Variants in GORASP1 observed in about 807,000 individuals in gnomAD.
The protein encoded by GORASP1 is golgi reassembly stacking protein 1.
A neutral mutation model predicts 37.7 loss-of-function variants in GORASP1; 31 were observed. The ratio of observed to expected loss-of-function variants is 0.82; its 90% CI spans 0.62 to 1.11. The LOEUF is 1.11. Among genes scored for constraint, GORASP1 ranks in the 50% least tolerant of loss-of-function variants. The pLI, the probability that GORASP1 is intolerant of heterozygous loss-of-function variation, is 0.00. For missense variants in GORASP1, 476 were observed against 560.7 expected (o/e 0.85, Z 1.53); for synonymous variants, 204 against 224.8 (o/e 0.91, Z 0.83).
In GORASP1 at chr3:39,102,960, G is replaced by C; in HGVS notation, c.145-79C>G. 7.4e-7 allele frequency: 1 copy of C among 1,353,508 alleles called. No homozygotes were observed. Among genetic ancestry groups the C allele is most frequent in the Non-Finnish European group, 1.1e-6 (1 of 943,318 alleles). 83.8% of individuals were successfully genotyped at this position (1,353,508 alleles called of 1,614,324 possible). A position where few individuals can be genotyped will look rare whatever the true frequency, so the allele number is the denominator to read the frequency against. ...CTCAGACAAGTCTGGGCCTGAGATG[G>C]GGCAAGGGCCTTAGTGGGCAGCAGC... On this transcript the variant is annotated intron_variant, in intron 2 of 8. Coordinates refer to ENST00000319283, the MANE Select transcript of GORASP1 (RefSeq NM_031899.4). The surrounding 1 kb of genome is among the most constrained non-coding windows in gnomAD (Gnocchi z 5.0).
At chr3:39,106,965 C>G (rs1245081678) in intron 1 of GORASP1, 2 of 416,784 alleles carry the variant, frequency 4.8e-6, no homozygotes, top group South Asian at 3.3e-5. Flanking sequence ...CACCGGTCCT[C>G]TACCCTCGGA....
chr3:39,100,755 T>G lies in GORASP1; in HGVS notation c.558A>C (p.Gly186=). The part of the protein sequence containing the change: ...VTVTPNAAWG[G]EGSLGCGIGY... ...CCAACCCCACGAAGTACCTGCCCTC[T>G]CCACCCCAGGCTGCGTTGGGAGTTA... Residue 186 remains glycine, a synonymous_variant, in exon 5 of 9, where the codon GGA becomes GGC. Transcript: ENST00000319283. This position sits in a 1 kb window ranked among gnomAD's most constrained non-coding sequence, Gnocchi z 4.6. 1 of 1,613,746 alleles carries G rather than the reference T, an allele frequency of 6.2e-7. No homozygotes were observed. The highest frequency in any genetic ancestry group is 8.5e-7 in the Non-Finnish European group (1 of 1,179,972).
intron 1 of GORASP1, chr3:39,106,857 C>CT (rs1315171129): frequency 1.1e-5 from 3 of 276,528 alleles, no homozygotes; most frequent in Non-Finnish European, 2.3e-5. Flanking sequence ...GTAGCGGCAT[C>CT]TAAAGGCTGG....
chr3:39,100,998 A>C lies in GORASP1; in HGVS notation c.435+18T>G, dbSNP rs1233439220. On this transcript the variant is annotated intron_variant, in intron 4 of 8. Transcript: ENST00000319283. This position sits in a 1 kb window ranked among gnomAD's most constrained non-coding sequence, Gnocchi z 4.6. ...ACATCCAGAGGGTCTGGGGAGGGGC[A>C]AATTGCGGGTTCCTCACCTCCTGGA... 6.2e-7 allele frequency: 1 copy of C among 1,614,150 alleles called. No homozygotes were observed. The highest frequency in any genetic ancestry group is 1.1e-5 in the South Asian group (1 of 91,090).
At chr3:39,107,217 G>A (rs145725843) in intron 1 of GORASP1, 9,338 of 539,274 alleles carry the variant, frequency 0.017, 133 homozygotes, top group Non-Finnish European at 0.026. Context: ...GCCGGACCAG[G>A]AAAACGCTCC....
rs2035672639 is a variant in GORASP1 at position 39,101,013 on chromosome 3, C to T, written c.435+3G>A. Reference sequence around the variant, plus strand: ...GGGGAGGGGCAAATTGCGGGTTCCTCACCTCCTGGAGAATCTGGTCCGAAC... The same window carrying T: ...GGGGAGGGGCAAATTGCGGGTTCCTTACCTCCTGGAGAATCTGGTCCGAAC... On this transcript the variant is annotated splice_donor_region_variant and intron_variant, in intron 4 of 8. Coordinates refer to ENST00000319283, the MANE Select transcript of GORASP1 (RefSeq NM_031899.4). The T allele has an allele frequency of 6.2e-6, 10 of 1,614,190 alleles. No homozygotes were observed. The highest frequency in any genetic ancestry group is 8.5e-6 in the Non-Finnish European group (10 of 1,179,998).
chr3:39,106,675 C>G lies in GORASP1; in HGVS notation c.63+804G>C, dbSNP rs544108200. On this transcript the variant is annotated intron_variant, in intron 1 of 8. Coordinates refer to ENST00000319283, the MANE Select transcript of GORASP1 (RefSeq NM_031899.4). ...GCAGGGACGCCTCTTCCCCGCAGCG[C>G]TCCGGGGTCAGAGACCCCCAGCCCC... Among the ~76,000 whole-genome samples, 13 of 152,206 alleles carry G rather than the reference C, an allele frequency of 8.5e-5. 1 individual carries two copies. The South Asian group carries it at 2.7e-3, about 32-fold the overall frequency.
In GORASP1 at chr3:39,098,986, A is replaced by G; in HGVS notation, c.917-93T>C. 6.7e-7 allele frequency: 1 copy of G among 1,498,196 alleles called. No individual in the cohort carries two copies. The highest frequency in any genetic ancestry group is 9.1e-7 in the Non-Finnish European group (1 of 1,093,536). 92.8% of individuals were successfully genotyped at this position (1,498,196 alleles called of 1,614,324 possible). A position where few individuals can be genotyped will look rare whatever the true frequency, so the allele number is the denominator to read the frequency against. On this transcript the variant is annotated intron_variant, in intron 7 of 8. Transcript: ENST00000319283. This position sits in a 1 kb window ranked among gnomAD's most constrained non-coding sequence, Gnocchi z 4.7. ...TCACCTTGCCTAGGGCATCTGGCCC[A>G]GCCTGTGAGACTGTAATCTCCTCAG... is the stretch of plus-strand genomic sequence containing the variant.
chr3:39,104,792 C>T (rs2035936215), intron 1 of GORASP1, among the ~76,000 whole-genome samples: 1 of 152,198 alleles, frequency 6.6e-6, no homozygotes, highest in African/African-American at 2.4e-5. Context: ...GAGTGCGGCC[C>T]AGAAATCAGA....
At position 39,103,541 on chromosome 3, in the gene GORASP1, A is replaced by T; in HGVS notation, c.76T>A (p.Ser26Thr). Residue 26 changes from serine to threonine, a missense_variant, in exon 2 of 9, where the codon TCC (serine) becomes ACC (threonine). Physicochemically the swap from Ser to Thr is moderately conservative, Grantham distance 58. Transcript: ENST00000319283. The surrounding 1 kb of genome is among the most constrained non-coding windows in gnomAD (Gnocchi z 5.2). ...TCCAGGCCCGCCTGCTGGGCTGGGG[A>T]GTTCTCCTGCACCTATCCCACAGCA... The part of the protein sequence containing the change: ...GFHLHGVQEN[S>T]PAQQAGLEPY... 1.2e-6 allele frequency: 2 copies of T among 1,612,934 alleles called. No individual in the cohort carries two copies. The highest frequency in any genetic ancestry group is 2.2e-5 in the East Asian group (1 of 44,872).
In GORASP1 at chr3:39,103,601, C is replaced by T; in HGVS notation, c.64-48G>A. On this transcript the variant is annotated intron_variant, in intron 1 of 8. Coordinates refer to ENST00000319283, the MANE Select transcript of GORASP1 (RefSeq NM_031899.4). This position sits in a 1 kb window ranked among gnomAD's most constrained non-coding sequence, Gnocchi z 5.2. ...GTCACTGCGCCAACCCTGGGACTCTCCAAGTAGCCCTCTCCCCCATTTCAG... is the reference window on the plus strand; with the variant it reads ...GTCACTGCGCCAACCCTGGGACTCTTCAAGTAGCCCTCTCCCCCATTTCAG... The T allele has an allele frequency of 7.0e-7, 1 of 1,429,974 alleles. No homozygotes were observed. 88.6% of individuals were successfully genotyped at this position (1,429,974 alleles called of 1,614,324 possible).
At position 39,098,257 on chromosome 3, in the gene GORASP1, G is replaced by A. The variant is rs1218085472; in HGVS notation, c.1302C>T (p.Ala434=). The A allele has an allele frequency of 6.2e-7, 1 of 1,614,106 alleles. No homozygotes were observed. Among genetic ancestry groups the A allele is most frequent in the East Asian group, 2.2e-5 (1 of 44,874 alleles). ...GGTGTTATTCTGTGGTAGAGATCTG[G>A]GCCTGGCTGTCCAGCCCCTCAGCCT... The part of the protein sequence containing the change: ...GTEAEGLDSQ[A]QISTTE The change falls in exon 9 of 9, where the codon GCC becomes GCT. Residue 434 remains alanine, a synonymous_variant. Transcript: ENST00000319283. The surrounding 1 kb of genome is among the most constrained non-coding windows in gnomAD (Gnocchi z 4.7).
rs941796563 is a variant in GORASP1 at position 39,097,961 on chromosome 3, C to T, written c.*275G>A. 3 of 480,988 alleles carry T rather than the reference C, an allele frequency of 6.2e-6. No individual in the cohort carries two copies. Among genetic ancestry groups the T allele is most frequent in the African/African-American group, 3.9e-5 (2 of 51,244 alleles). The allele number at this position is 480,988 out of a possible 1,614,324, so 29.8% of individuals were successfully genotyped here. ...CCAGGCCAACACTGGACAGCAACCC[C>T]TTCCTTCCTCACCTCATCTTCACAC... is the stretch of plus-strand genomic sequence containing the variant. On this transcript the variant is annotated 3_prime_UTR_variant, in exon 9 of 9. Transcript: ENST00000319283.
chr3:39,098,098 GC>G lies in GORASP1; in HGVS notation c.*137del. The G allele has an allele frequency of 2.0e-6, 2 of 1,001,928 alleles. No homozygotes were observed. Among genetic ancestry groups the G allele is most frequent in the South Asian group, 1.6e-5 (1 of 63,744 alleles). The allele number at this position is 1,001,928 out of a possible 1,614,324, so 62.1% of individuals were successfully genotyped here. On this transcript the variant is annotated 3_prime_UTR_variant, in exon 9 of 9. Transcript: ENST00000319283. The surrounding 1 kb of genome is among the most constrained non-coding windows in gnomAD (Gnocchi z 4.7). The stretch of plus-strand genomic sequence containing the variant: ...AAGATATCCTCCCACAAGGCCCATG[GC>G]CCCCTCTCACCACCCACTGAGGCCT...
chr3:39,107,408 G>A (rs1198056052), intron 1 of GORASP1, 71 bp downstream of exon 1: 30 of 1,043,820 alleles, frequency 2.9e-5, no homozygotes, highest in East Asian at 3.4e-5. Flanking sequence ...CCAGCCAGCC[G>A]GCGACCGGAC....
chr3:39,098,689 C>G lies in GORASP1; in HGVS notation c.1069+52G>C. On this transcript the variant is annotated intron_variant, in intron 8 of 8. Coordinates refer to ENST00000319283, the MANE Select transcript of GORASP1 (RefSeq NM_031899.4). The surrounding 1 kb of genome is among the most constrained non-coding windows in gnomAD (Gnocchi z 4.7). ...AGCTGAGGAATTGAGGGCAGCCTTC[C>G]CAACAACCCGGGGTCCTTCCCAGAG... The G allele has an allele frequency of 6.3e-7, 1 of 1,591,100 alleles. No homozygotes were observed. The highest frequency in any genetic ancestry group is 8.6e-7 in the Non-Finnish European group (1 of 1,167,946).
In GORASP1 at chr3:39,103,559, C is replaced by T; in HGVS notation, c.64-6G>A. On this transcript the variant is annotated splice_polypyrimidine_tract_variant and splice_region_variant and intron_variant, in intron 1 of 8. Transcript: ENST00000319283. The surrounding 1 kb of genome is among the most constrained non-coding windows in gnomAD (Gnocchi z 5.2). ...GCTGGGGAGTTCTCCTGCACCTATC[C>T]CACAGCAAAGACCACAGTCACTGCG... 6.2e-7 allele frequency: 1 copy of T among 1,608,684 alleles called. No homozygotes were observed. The highest frequency in any genetic ancestry group is 8.5e-7 in the Non-Finnish European group (1 of 1,178,182).
At chr3:39,106,457 A>C (rs1451879841) in intron 1 of GORASP1, among the ~76,000 whole-genome samples, 1 of 152,190 alleles carries the variant, frequency 6.6e-6, no homozygotes, top group Non-Finnish European at 1.5e-5. Flanking sequence ...ACCATAAGAA[A>C]GCCCATTCCC....
chr3:39,104,672 G>A (rs192520259), intron 1 of GORASP1, among the ~76,000 whole-genome samples: 77 of 152,278 alleles, frequency 5.1e-4, no homozygotes, highest in Non-Finnish European at 7.5e-4. Context: ...AGAACAAACC[G>A]CTGAGATCAA....
Sources: allele counts gnomAD v4.1 joint callset (sites outside exome capture counted in the v4.1 genomes callset), GRCh38; gene constraint gnomAD v4.1.1; non-coding constraint Gnocchi (gnomAD v3.1); transcripts MANE v1.5; gene names NCBI Gene and HGNC (gene_info 2026-07-23, HGNC 2026-07-21).